ARNT2: variants seen among roughly 807,000 people sequenced by gnomAD.
The protein encoded by ARNT2 is ARNT protein 2.
ARNT2 carries 36 observed loss-of-function variants against 91.7 expected under a neutral mutation model. The observed-to-expected ratio is 0.39, with a 90% CI of 0.30 to 0.52. The LOEUF is 0.52. Among genes scored for constraint, ARNT2 ranks in the 20% least tolerant of loss-of-function variants. The probability of loss-of-function intolerance (pLI) is 0.72; values close to 1 mark genes in which losing one functional copy is unlikely to be tolerated. For synonymous variants in ARNT2, 365 were observed against 347.1 expected, an observed-to-expected ratio of 1.05 and a Z score of -0.57; for missense variants, 775 against 939.3, an observed-to-expected ratio of 0.83 and a Z score of 2.29.
At chr15:80,441,481 C>G in intron 1 of ARNT2, 1 of 779,826 alleles carries the variant, frequency 1.3e-6, no homozygotes, top group Non-Finnish European at 1.6e-6. Context: ...TGCCCTCACC[C>G]CCCTCCCAGC....
intron 1 of ARNT2, among the ~76,000 whole-genome samples, chr15:80,448,262 C>G (rs1360458120): frequency 1.3e-5 from 2 of 152,200 alleles, no homozygotes; most frequent in Non-Finnish European, 2.9e-5. Flanking sequence ...AAGGTAGTGA[C>G]TTTCTTTTAC....
chr15:80,558,206 CCTT>C (rs1380582522), intron 11 of ARNT2, among the ~76,000 whole-genome samples: 1 of 152,176 alleles, frequency 6.6e-6, no homozygotes, highest in Non-Finnish European at 1.5e-5. Context: ...ACCCCAGCCT[CCTT>C]CTAAGTCCCT....
At chr15:80,516,429 C>A (rs952414456) in intron 8 of ARNT2, among the ~76,000 whole-genome samples, 1 of 152,010 alleles carries the variant, frequency 6.6e-6, no homozygotes, top group Non-Finnish European at 1.5e-5. Flanking sequence ...TCCTTTTTAT[C>A]CCTGATAATT....
chr15:80,467,158 T>A (rs1264430011), intron 3 of ARNT2, among the ~76,000 whole-genome samples: 1 of 86,498 alleles, frequency 1.2e-5, no homozygotes, highest in Non-Finnish European at 3.3e-5. Context: ...TTGAGAAACA[T>A]CAGTCTGGCC....
In ARNT2 at chr15:80,591,490, C is replaced by A; in HGVS notation, c.1919-78C>A. The A allele has an allele frequency of 6.3e-7, 1 of 1,581,434 alleles. No individual in the cohort carries two copies. The highest frequency in any genetic ancestry group is 8.6e-7 in the Non-Finnish European group (1 of 1,157,044). ...TGCCTTTCAGAAGCGGGAGGCCCTC[C>A]AGCCGCAGTGGTTCTTAGGTCTCAC... is the stretch of plus-strand genomic sequence containing the variant. On this transcript the variant is annotated intron_variant, in intron 17 of 18. Coordinates refer to ENST00000303329, the MANE Select transcript of ARNT2 (RefSeq NM_014862.4). This position sits in a 1 kb window ranked among gnomAD's most constrained non-coding sequence, Gnocchi z 5.1.
At chr15:80,423,014 G>A (rs1454015738) in intron 1 of ARNT2, among the ~76,000 whole-genome samples, 1 of 152,146 alleles carries the variant, frequency 6.6e-6, no homozygotes, top group African/African-American at 2.4e-5. Context: ...ATATTATGTA[G>A]TTAAAAACAT....
chr15:80,514,213 C>A, intron 7 of ARNT2, 107 bp from the exon 8 acceptor site: 1 of 1,232,650 alleles, frequency 8.1e-7, no homozygotes, highest in Non-Finnish European at 1.2e-6. Flanking sequence ...GATTCAAAAC[C>A]ACAAAGGCAG....
intron 1 of ARNT2, among the ~76,000 whole-genome samples, chr15:80,440,070 T>TAGGTTTTGGCTGAGACTCC (rs1187357890): frequency 1.3e-5 from 2 of 152,318 alleles, no homozygotes; most frequent in African/African-American, 2.4e-5. Flanking sequence ...GGCCAGAGTC[T>TAGGTTTTGGCTGAGACTCC]AGGTTTTGGC....
At chr15:80,437,241 C>T (rs28529506) in intron 1 of ARNT2, among the ~76,000 whole-genome samples, 1 of 152,168 alleles carries the variant, frequency 6.6e-6, no homozygotes, top group South Asian at 2.1e-4. Flanking sequence ...ACTGCACGCT[C>T]GTCAGGCCAC....
intron 4 of ARNT2, among the ~76,000 whole-genome samples, chr15:80,470,662 A>G (rs1896720176): frequency 6.6e-6 from 1 of 152,236 alleles, no homozygotes; most frequent in Non-Finnish European, 1.5e-5. Context: ...AAAAAAATAT[A>G]TTGAGCATTT....
chr15:80,416,461 G>A (rs948489674), intron 1 of ARNT2, among the ~76,000 whole-genome samples: 2 of 152,134 alleles, frequency 1.3e-5, no homozygotes, highest in Non-Finnish European at 2.9e-5. Flanking sequence ...TGGCATTAAT[G>A]TAATAGCATT....
intron 1 of ARNT2, among the ~76,000 whole-genome samples, chr15:80,405,261 G>A (rs1895582677): frequency 6.6e-6 from 1 of 152,204 alleles, no homozygotes; most frequent in Admixed American, 6.5e-5. Context: ...ACTTGTTTTG[G>A]TATTGTAGTA....
chr15:80,494,943 C>A (rs1454510045), intron 5 of ARNT2, among the ~76,000 whole-genome samples: 18 of 152,136 alleles, frequency 1.2e-4, no homozygotes, highest in Non-Finnish European at 2.9e-5. Flanking sequence ...CTCATTAGCA[C>A]CTTCCCCAGA....
intron 3 of ARNT2, among the ~76,000 whole-genome samples, chr15:80,467,437 G>A (rs1429717882): frequency 6.6e-6 from 1 of 152,218 alleles, no homozygotes; most frequent in Admixed American, 6.5e-5. Flanking sequence ...GTTGGAGTAG[G>A]GAAGAGGGCT....
At chr15:80,478,640 T>C (rs1390887316) in intron 5 of ARNT2, among the ~76,000 whole-genome samples, 1 of 152,168 alleles carries the variant, frequency 6.6e-6, no homozygotes, top group East Asian at 1.9e-4. Flanking sequence ...ACAGGGTCTC[T>C]TTTGCAGTCA....
At chr15:80,429,739 G>T (rs1895983091) in intron 1 of ARNT2, among the ~76,000 whole-genome samples, 1 of 152,136 alleles carries the variant, frequency 6.6e-6, no homozygotes, top group Non-Finnish European at 1.5e-5. Flanking sequence ...CCAACTCCAG[G>T]TAGTTAGTGT....
chr15:80,499,159 T>C (rs116509592), intron 5 of ARNT2, among the ~76,000 whole-genome samples: 60 of 152,356 alleles, frequency 3.9e-4, no homozygotes, highest in African/African-American at 1.3e-3. Context: ...TACTAAAAGT[T>C]AATCTGCTTT....
intron 3 of ARNT2, among the ~76,000 whole-genome samples, chr15:80,459,878 C>T (rs930446238): frequency 6.6e-6 from 1 of 152,324 alleles, no homozygotes; most frequent in Middle Eastern, 3.4e-3. Flanking sequence ...GTCACCTAGG[C>T]TTAGCTGCTG....
chr15:80,570,118 G>GA (rs1205046504), intron 12 of ARNT2, among the ~76,000 whole-genome samples: 3 of 152,236 alleles, frequency 2.0e-5, no homozygotes, highest in African/African-American at 7.2e-5. Flanking sequence ...CTAGGCCAGA[G>GA]TAAAAAGACC....
Sources: gnomAD v4.1 joint callset for allele counts (sites outside exome capture counted in the v4.1 genomes callset) on GRCh38, gnomAD v4.1.1 for gene constraint, Gnocchi (gnomAD v3.1) non-coding constraint, MANE v1.5 for transcripts, NCBI Gene and HGNC (gene_info 2026-07-23, HGNC 2026-07-21) for gene names.